Variants in RAB38 observed in about 807,000 individuals in gnomAD.
RAB38 encodes ras-related protein Rab-38.
A neutral mutation model predicts 18.4 loss-of-function variants in RAB38; 15 were observed. That is an observed-to-expected ratio of 0.82 (90% confidence interval 0.55 to 1.26). RAB38 has a LOEUF of 1.26. Ranked by LOEUF, RAB38 falls within the 50% of genes most tolerant of loss-of-function variation. The pLI is 0.00. For synonymous variants in RAB38, 101 were observed against 104.4 expected (o/e 0.97, Z 0.20); for missense variants, 294 against 267.4 (o/e 1.10, Z -0.69).
chr11:88,104,069 G>A, the RAB38 span, among the ~76,000 whole-genome samples: 3,143 of 152,122 alleles, frequency 0.021, 107 homozygotes, highest in African/African-American at 0.069. Flanking sequence ...CCCCTATCTG[G>A]TGGGCTTTGG....
At chr11:88,079,501 G>C in the RAB38 span, among the ~76,000 whole-genome samples, 1 of 151,632 alleles carries the variant, frequency 6.6e-6, no homozygotes, top group East Asian at 1.9e-4. Context: ...AGTACCAATT[G>C]TACACAAACT....
At chr11:88,015,651 A>T in the RAB38 span, among the ~76,000 whole-genome samples, 1 of 152,128 alleles carries the variant, frequency 6.6e-6, no homozygotes, top group Non-Finnish European at 1.5e-5. Context: ...TGAGTTACGA[A>T]AACATTACAA....
the RAB38 span, among the ~76,000 whole-genome samples, chr11:87,840,576 T>C: frequency 7.9e-5 from 12 of 152,312 alleles, no homozygotes; most frequent in Admixed American, 2.0e-4. Context: ...ATTCTAATGC[T>C]AAACCAAGGT....
the RAB38 span, among the ~76,000 whole-genome samples, chr11:88,006,626 A>AAT: frequency 0.56 from 80,808 of 143,346 alleles, 23,271 homozygotes; most frequent in Admixed American, 0.65. Flanking sequence ...ATGTATATAT[A>AAT]ATATATATAT....
chr11:87,958,355 A>G, the RAB38 span, among the ~76,000 whole-genome samples: 7 of 152,192 alleles, frequency 4.6e-5, no homozygotes, highest in Non-Finnish European at 1.5e-5. Flanking sequence ...AGGTAACCCA[A>G]GTTAAGAAGC....
the RAB38 span, among the ~76,000 whole-genome samples, chr11:87,903,367 G>T: frequency 6.6e-6 from 1 of 151,130 alleles, no homozygotes; most frequent in Non-Finnish European, 1.5e-5. Flanking sequence ...TTATATTGAT[G>T]GATTTTTTTA....
the RAB38 span, among the ~76,000 whole-genome samples, chr11:87,808,330 G>A: frequency 6.6e-6 from 1 of 152,048 alleles, no homozygotes; most frequent in Non-Finnish European, 1.5e-5. Context: ...CAGATGAAAG[G>A]ATAAAGAAAA....
the RAB38 span, among the ~76,000 whole-genome samples, chr11:87,809,054 A>G: frequency 2.6e-5 from 4 of 151,488 alleles, no homozygotes; most frequent in Non-Finnish European, 5.9e-5. Flanking sequence ...AGAAAAAGGA[A>G]CATAGAGTTG....
the RAB38 span, chr11:88,061,596 T>C: frequency 2.0e-5 from 3 of 152,190 alleles, no homozygotes; most frequent in Admixed American, 6.5e-5. Flanking sequence ...ATAAGAAACA[T>C]TGAGGCAATG....
At chr11:88,051,841 G>A in the RAB38 span, among the ~76,000 whole-genome samples, 2 of 152,122 alleles carry the variant, frequency 1.3e-5, no homozygotes, top group South Asian at 4.1e-4. Context: ...ACTAAATAAA[G>A]GGCTGGGCGC....
At chr11:88,105,297 G>C in the RAB38 span, among the ~76,000 whole-genome samples, 1 of 151,938 alleles carries the variant, frequency 6.6e-6, no homozygotes, top group African/African-American at 2.4e-5. Flanking sequence ...TGTTTCACTT[G>C]GATTAGCATC....
At chr11:88,122,087 C>T (rs1206132207) in intron 2 of RAB38, among the ~76,000 whole-genome samples, 1 of 152,064 alleles carries the variant, frequency 6.6e-6, no homozygotes, top group South Asian at 2.1e-4. Flanking sequence ...TTCCTGGCCC[C>T]TGAAAATAAT....
chr11:87,812,307 A>T, the RAB38 span, among the ~76,000 whole-genome samples: 1 of 152,080 alleles, frequency 6.6e-6, no homozygotes, highest in Non-Finnish European at 1.5e-5. Context: ...CCTTAGGCCA[A>T]CTTTACTCTT....
the RAB38 span, among the ~76,000 whole-genome samples, chr11:87,838,460 C>G: frequency 6.6e-6 from 1 of 152,166 alleles, no homozygotes. Context: ...GAATTAGCAG[C>G]TACTTTTTAA....
chr11:88,049,495 A>G, the RAB38 span, among the ~76,000 whole-genome samples: 3 of 151,270 alleles, frequency 2.0e-5, no homozygotes, highest in Admixed American at 6.6e-5. Context: ...ACCTACCCAA[A>G]TCTTATAAAA....
the RAB38 span, among the ~76,000 whole-genome samples, chr11:87,819,132 A>G: frequency 6.6e-6 from 1 of 152,174 alleles, no homozygotes; most frequent in Admixed American, 6.5e-5. Context: ...CCCTTTGCCT[A>G]CCCACTTCAA....
the RAB38 span, among the ~76,000 whole-genome samples, chr11:87,919,567 C>G: frequency 6.7e-6 from 1 of 150,066 alleles, no homozygotes; most frequent in African/African-American, 2.4e-5. Context: ...TTTTTTTTTT[C>G]CTTGTGGTGT....
the RAB38 span, among the ~76,000 whole-genome samples, chr11:88,108,027 G>A: frequency 6.6e-6 from 1 of 152,120 alleles, no homozygotes; most frequent in East Asian, 1.9e-4. Flanking sequence ...GCTGAGGAGT[G>A]TTTTACTTCC....
intron 1 of RAB38, among the ~76,000 whole-genome samples, chr11:88,155,056 C>G (rs1943108843): frequency 6.6e-6 from 1 of 152,218 alleles, no homozygotes; most frequent in Admixed American, 6.5e-5. Context: ...CTACTCTTCC[C>G]ATGCAGTTGC....
Sources: gnomAD v4.1 joint callset for allele counts (sites outside exome capture counted in the v4.1 genomes callset) on GRCh38, gnomAD v4.1.1 for gene constraint, MANE v1.5 for transcripts, NCBI Gene and HGNC (gene_info 2026-07-23, HGNC 2026-07-21) for gene names.